Variants in TRPC4 observed in about 807,000 individuals in gnomAD.
TRPC4 encodes transient receptor potential cation channel subfamily C member 4, also known as short transient receptor potential channel 4.
In TRPC4, 49 loss-of-function variants were observed where a neutral mutation model predicts 99.4. That is an observed-to-expected ratio of 0.49 (90% confidence interval 0.39 to 0.63). The LOEUF (loss-of-function observed/expected upper bound fraction) is 0.63. Ranked by LOEUF, TRPC4 falls within the 20% of genes least tolerant of loss-of-function variation. TRPC4 has a pLI of 0.00. For missense variants in TRPC4, 898 were observed against 1,152.9 expected (o/e 0.78, Z 3.20); for synonymous variants, 454 against 425.9 (o/e 1.07, Z -0.81).
intron 3 of TRPC4, among the ~76,000 whole-genome samples, chr13:37,705,387 A>G (rs1302684742): frequency 2.6e-5 from 4 of 152,146 alleles, no homozygotes; most frequent in East Asian, 3.9e-4. Flanking sequence ...TGTGGTGACT[A>G]TAGCTAATAA....
At chr13:37,647,559 G>A (rs1951889364) in intron 8 of TRPC4, among the ~76,000 whole-genome samples, 1 of 152,210 alleles carries the variant, frequency 6.6e-6, no homozygotes, top group Non-Finnish European at 1.5e-5. Flanking sequence ...GTTTGAACTG[G>A]GAAACAATGG....
At chr13:37,674,207 A>G (rs1211049461) in intron 5 of TRPC4, 21 bp downstream of exon 5, 1 of 1,560,554 alleles carries the variant, frequency 6.4e-7, no homozygotes, top group Non-Finnish European at 8.7e-7. Flanking sequence ...ATGCTTTACC[A>G]ACAACATAAA....
chr13:37,784,276 A>C (rs377324541), intron 1 of TRPC4, among the ~76,000 whole-genome samples: 2 of 152,140 alleles, frequency 1.3e-5, no homozygotes, highest in South Asian at 2.1e-4. Context: ...TTTAAAAAAT[A>C]ACAATAAACC....
chr13:37,636,772 G>T lies in TRPC4; in HGVS notation c.*131C>A. On this transcript the variant is annotated 3_prime_UTR_variant, in exon 11 of 11. Coordinates refer to ENST00000379705, the MANE Select transcript of TRPC4 (RefSeq NM_016179.4). ...TTTGCCTTATTTAAACATGTTACAG[G>T]TAATATGCCACAGCTGATAAACGCT... 3 of 1,047,030 alleles carry T rather than the reference G, an allele frequency of 2.9e-6. No individual in the cohort carries two copies. Among genetic ancestry groups the T allele is most frequent in the Non-Finnish European group, 3.9e-6 (3 of 770,470 alleles). 64.9% of individuals were successfully genotyped at this position (1,047,030 alleles called of 1,614,324 possible).
chr13:37,694,179 T>C (rs1953831754), intron 3 of TRPC4, among the ~76,000 whole-genome samples: 1 of 152,182 alleles, frequency 6.6e-6, no homozygotes, highest in South Asian at 2.1e-4. Context: ...TGGAATAAAA[T>C]ATTTTTAATA....
intron 3 of TRPC4, among the ~76,000 whole-genome samples, chr13:37,721,771 A>G (rs1000776360): frequency 3.3e-5 from 5 of 152,160 alleles, no homozygotes; most frequent in Non-Finnish European, 5.9e-5. Context: ...AAGGTGATTT[A>G]TAGGCGATTT....
intron 4 of TRPC4, among the ~76,000 whole-genome samples, chr13:37,675,316 T>C (rs946730692): frequency 6.6e-6 from 1 of 152,158 alleles, no homozygotes; most frequent in Admixed American, 6.6e-5. Context: ...AACTTTAAAA[T>C]ATATGCACGT....
intron 3 of TRPC4, among the ~76,000 whole-genome samples, chr13:37,697,588 A>T (rs945917334): frequency 4.6e-5 from 7 of 152,150 alleles, no homozygotes; most frequent in Non-Finnish European, 1.0e-4. Flanking sequence ...GTAAAGGAAA[A>T]CTGTGGCCAT....
At chr13:37,754,787 T>C (rs1481263702) in intron 2 of TRPC4, among the ~76,000 whole-genome samples, 1 of 152,172 alleles carries the variant, frequency 6.6e-6, no homozygotes, top group Non-Finnish European at 1.5e-5. Context: ...ATTAGTTACA[T>C]TAATAACTGA....
chr13:37,732,354 CAATGAGAT>C (rs768139227), intron 3 of TRPC4, among the ~76,000 whole-genome samples: 6 of 151,894 alleles, frequency 4.0e-5, no homozygotes, highest in Admixed American at 1.3e-4. Flanking sequence ...ACCAATGAAA[CAATGAGAT>C]AATAAGTTGG....
At chr13:37,643,463 A>G (rs1329324830) in intron 8 of TRPC4, among the ~76,000 whole-genome samples, 1 of 152,202 alleles carries the variant, frequency 6.6e-6, no homozygotes, top group African/African-American at 2.4e-5. Flanking sequence ...TGTGAAGGAA[A>G]GAAGCCGTAA....
chr13:37,657,819 A>T (rs1272277934), intron 6 of TRPC4, among the ~76,000 whole-genome samples: 1 of 152,194 alleles, frequency 6.6e-6, no homozygotes, highest in East Asian at 1.9e-4. Flanking sequence ...TTTAAAGGGG[A>T]AAATTCTAAA....
Position 37,783,069 on chromosome 13 carries a change from G to A in TRPC4, c.265C>T (p.Leu89Phe). 1 of 1,613,290 alleles carries A rather than the reference G, an allele frequency of 6.2e-7. No individual in the cohort carries two copies. Among genetic ancestry groups the A allele is most frequent in the South Asian group, 1.1e-5 (1 of 91,058 alleles). Residue 89 changes from leucine to phenylalanine, a missense_variant, in exon 2 of 11, where the codon CTC (leucine) becomes TTC (phenylalanine). By Grantham distance (22) the Leu-to-Phe change is conservative. Transcript: ENST00000379705. ...ENENLELIEL[L>F]LSFNVYVGDA... ...CCAACATAGACATTAAAGCTTAAGA[G>A]TAGTTCGATGAGCTCCAAGTTCTCA...
intron 1 of TRPC4, among the ~76,000 whole-genome samples, chr13:37,822,365 G>A (rs1483045415): frequency 3.3e-5 from 5 of 151,768 alleles, no homozygotes; most frequent in East Asian, 1.9e-4. Flanking sequence ...ATGCTGGTGC[G>A]CTGCACCCAC....
chr13:37,716,912 T>C (rs922211882), intron 3 of TRPC4, among the ~76,000 whole-genome samples: 12 of 152,206 alleles, frequency 7.9e-5, no homozygotes, highest in Non-Finnish European at 1.2e-4. Flanking sequence ...ATGTTTGATA[T>C]AGGAGACTAA....
At chr13:37,691,863 G>T (rs7329237) in intron 4 of TRPC4, 136 bp downstream of exon 4, 807,815 of 809,570 alleles carry the variant, frequency 1, 403,051 homozygotes, top group Middle Eastern at 1. Flanking sequence ...CTTTGGGGGT[G>T]AGGTTCTTGG....
intron 2 of TRPC4, among the ~76,000 whole-genome samples, chr13:37,756,339 C>A (rs975021912): frequency 6.6e-6 from 1 of 152,028 alleles, no homozygotes; most frequent in African/African-American, 2.4e-5. Flanking sequence ...TTATTTTAGG[C>A]TCAAACTTCT....
intron 6 of TRPC4, among the ~76,000 whole-genome samples, chr13:37,660,731 T>A (rs758758384): frequency 1.3e-5 from 2 of 152,194 alleles, no homozygotes; most frequent in African/African-American, 4.8e-5. Context: ...AATTAGTGTA[T>A]TTTTAACCTT....
At chr13:37,863,804 T>C (rs1418876202) in intron 1 of TRPC4, among the ~76,000 whole-genome samples, 2 of 151,622 alleles carry the variant, frequency 1.3e-5, no homozygotes, top group Non-Finnish European at 3.0e-5. Flanking sequence ...ATGAACAGTG[T>C]GTTAAAGAGG....
Sources: allele counts gnomAD v4.1 joint callset (sites outside exome capture counted in the v4.1 genomes callset), GRCh38; gene constraint gnomAD v4.1.1; transcripts MANE v1.5; gene names NCBI Gene and HGNC (gene_info 2026-07-23, HGNC 2026-07-21).